COL23A1: variants seen among roughly 807,000 people sequenced by gnomAD.
COL23A1 encodes the protein collagen type XXIII alpha 1 chain, also known as collagen alpha-1(XXIII) chain.
Under a neutral mutation model 99.3 loss-of-function variants are expected in COL23A1, and 97 were observed. The ratio of observed to expected loss-of-function variants is 0.98; its 90% CI spans 0.83 to 1.16. The LOEUF is 1.16. COL23A1 is among the 50% of genes most tolerant of loss of function. The pLI, the probability that COL23A1 is intolerant of heterozygous loss-of-function variation, is 0.00. For synonymous variants in COL23A1, 320 were observed against 308.2 expected, an observed-to-expected ratio of 1.04 and a Z score of -0.40; for missense variants, 762 against 757.4, an observed-to-expected ratio of 1.01 and a Z score of -0.07.
intron 2 of COL23A1, among the ~76,000 whole-genome samples, chr5:178,358,273 TGTGTGTATGC>T (rs1207612045): frequency 1.2e-4 from 18 of 149,858 alleles, no homozygotes; most frequent in Non-Finnish European, 2.5e-4. Flanking sequence ...TGTGTGTATA[TGTGTGTATGC>T]GTGTGCGTAT....
intron 2 of COL23A1, among the ~76,000 whole-genome samples, chr5:178,373,817 G>T (rs1038959059): frequency 1.3e-5 from 2 of 152,188 alleles, no homozygotes; most frequent in Admixed American, 1.3e-4. Flanking sequence ...CCTCGTCCCA[G>T]GGGGCTGCCT....
intron 1 of COL23A1, among the ~76,000 whole-genome samples, chr5:178,561,027 G>A (rs1361544354): frequency 3.3e-5 from 5 of 152,304 alleles, no homozygotes; most frequent in Non-Finnish European, 4.4e-5. Flanking sequence ...CAAGAGTTAC[G>A]ACAGAAACAG....
intron 1 of COL23A1, chr5:178,562,186 G>A: frequency 2.2e-6 from 1 of 450,792 alleles, no homozygotes; most frequent in South Asian, 1.7e-5. Flanking sequence ...AGGTTGCAGT[G>A]AGCCGAGATC....
intron 2 of COL23A1, among the ~76,000 whole-genome samples, chr5:178,330,215 T>C (rs1025305311): frequency 3.9e-5 from 6 of 152,238 alleles, no homozygotes; most frequent in African/African-American, 1.4e-4. Context: ...TGCCCATTTA[T>C]GAAGGCTCAA....
chr5:178,266,761 G>A (rs755557494), intron 8 of COL23A1, among the ~76,000 whole-genome samples: 13 of 152,062 alleles, frequency 8.5e-5, no homozygotes, highest in East Asian at 5.8e-4. Context: ...GCGGAGGTGC[G>A]GAGCAGGCGC....
chr5:178,337,306 G>A (rs573204819), intron 2 of COL23A1, among the ~76,000 whole-genome samples: 2 of 152,384 alleles, frequency 1.3e-5, no homozygotes, highest in African/African-American at 2.4e-5. Context: ...GCCAGACCCC[G>A]GGAAGGAGCA....
chr5:178,508,337 T>C (rs1320675904), intron 2 of COL23A1, among the ~76,000 whole-genome samples: 1 of 152,238 alleles, frequency 6.6e-6, no homozygotes, highest in Non-Finnish European at 1.5e-5. Context: ...TTCCAACATC[T>C]CTGCCATCTC....
intron 1 of COL23A1, among the ~76,000 whole-genome samples, chr5:178,572,067 C>CAAAAAAAAAAAAAAAAA (rs1288485909): frequency 6.3e-4 from 34 of 54,302 alleles, no homozygotes; most frequent in African/African-American, 4.8e-3. Context: ...GACTCTTTCT[C>CAAAAAAAAAAAAAAAAA]AAAACAAAAA....
At chr5:178,503,738 T>C (rs970466252) in intron 2 of COL23A1, among the ~76,000 whole-genome samples, 12 of 152,040 alleles carry the variant, frequency 7.9e-5, no homozygotes, top group African/African-American at 2.4e-4. Flanking sequence ...TATATGGGTG[T>C]TCTTTGTACT....
In COL23A1 at chr5:178,262,139, G is replaced by A. The variant is rs1470844862; in HGVS notation, c.675+78C>T. The A allele has an allele frequency of 9.0e-6, 13 of 1,438,684 alleles. No homozygotes were observed. The Admixed American group carries it at 9.9e-5, about 11-fold the overall frequency. 89.1% of individuals were successfully genotyped at this position (1,438,684 alleles called of 1,614,324 possible). Reference sequence around the variant, plus strand: ...ATGTGCGCGTGACCCTGCTGTCGGCGTGTGTGGGAAAGGGGCTTCCAGGTC... The same window carrying A: ...ATGTGCGCGTGACCCTGCTGTCGGCATGTGTGGGAAAGGGGCTTCCAGGTC... On this transcript the variant is annotated intron_variant, in intron 10 of 28. Coordinates refer to ENST00000390654, the MANE Select transcript of COL23A1 (RefSeq NM_173465.4).
intron 2 of COL23A1, among the ~76,000 whole-genome samples, chr5:178,353,525 G>A (rs1761448543): frequency 6.6e-6 from 1 of 152,178 alleles, no homozygotes; most frequent in African/African-American, 2.4e-5. Context: ...GGATAGGACT[G>A]GGCCATTTGC....
chr5:178,535,621 G>A (rs1308135841), intron 2 of COL23A1, among the ~76,000 whole-genome samples: 9 of 152,276 alleles, frequency 5.9e-5, no homozygotes, highest in African/African-American at 1.9e-4. Context: ...AACACAAGGC[G>A]TGGTCACAGG....
At chr5:178,414,719 C>G (rs923851393) in intron 2 of COL23A1, among the ~76,000 whole-genome samples, 10 of 152,140 alleles carry the variant, frequency 6.6e-5, no homozygotes, top group Admixed American at 2.6e-4. Context: ...TTGCAGTGAG[C>G]TGAGATGACA....
At chr5:178,325,742 C>T (rs1759614054) in intron 2 of COL23A1, among the ~76,000 whole-genome samples, 1 of 152,244 alleles carries the variant, frequency 6.6e-6, no homozygotes, top group Admixed American at 6.5e-5. Flanking sequence ...TCCTGCTAAA[C>T]AGGACCAAGG....
intron 2 of COL23A1, among the ~76,000 whole-genome samples, chr5:178,326,739 A>G (rs1759685994): frequency 6.6e-6 from 1 of 152,166 alleles, no homozygotes; most frequent in Non-Finnish European, 1.5e-5. Flanking sequence ...ATTGTTTTTG[A>G]GACGGAGTCT....
Position 178,388,925 on chromosome 5 carries a change from G to A in COL23A1, c.362-82006C>T, listed in dbSNP as rs151014424. On this transcript the variant is annotated intron_variant, in intron 2 of 28. Transcript: ENST00000390654. Reference sequence around the variant, plus strand: ...AGGTGGAGATTGGAGGGGATTATACGATAAGATTTCCCAAACTTCTGTGAC... The same window carrying A: ...AGGTGGAGATTGGAGGGGATTATACAATAAGATTTCCCAAACTTCTGTGAC... Among the ~76,000 whole-genome samples the A allele has an allele frequency of 3.4e-3, 523 of 152,274 alleles. 2 individuals carry two copies. The highest frequency in any genetic ancestry group is 9.6e-3 in the Admixed American group (146 of 15,282).
chr5:178,470,354 T>A (rs1429736279), intron 2 of COL23A1, among the ~76,000 whole-genome samples: 1 of 152,106 alleles, frequency 6.6e-6, no homozygotes, highest in Non-Finnish European at 1.5e-5. Context: ...GCAAGCACAG[T>A]GCCCATAAGC....
chr5:178,536,425 C>T (rs562589417), intron 2 of COL23A1, among the ~76,000 whole-genome samples: 29 of 152,356 alleles, frequency 1.9e-4, no homozygotes, highest in African/African-American at 7.0e-4. Flanking sequence ...CCACAGGGCC[C>T]GAATCTGATG....
chr5:178,501,903 C>T (rs987530830), intron 2 of COL23A1, among the ~76,000 whole-genome samples: 10 of 152,284 alleles, frequency 6.6e-5, no homozygotes, highest in South Asian at 2.1e-4. Context: ...CACCTCCACC[C>T]GCAGTGGGCG....
Sources: allele counts gnomAD v4.1 joint callset (sites outside exome capture counted in the v4.1 genomes callset), GRCh38; gene constraint gnomAD v4.1.1; transcripts MANE v1.5; gene names NCBI Gene and HGNC (gene_info 2026-07-23, HGNC 2026-07-21).